CRPPA: variants seen among roughly 807,000 people sequenced by gnomAD.
The protein encoded by CRPPA is D-ribitol-5-phosphate cytidylyltransferase.
CRPPA carries 43 observed loss-of-function variants against 52.0 expected under a neutral mutation model. The observed-to-expected ratio is 0.83, with a 90% confidence interval of 0.65 to 1.07. The LOEUF is 1.07. Ranked by LOEUF, CRPPA falls within the 50% of genes least tolerant of loss-of-function variation. CRPPA has a pLI of 0.00. For synonymous variants in CRPPA, 250 were observed against 203.5 expected (o/e 1.23, Z -1.94); for missense variants, 629 against 551.7 (o/e 1.14, Z -1.40).
In CRPPA at chr7:16,223,034, G is replaced by A. The variant is rs562995450; in HGVS notation, c.1120-6837C>T. 2.0e-5 allele frequency among the ~76,000 whole-genome samples: 3 copies of A among 152,194 alleles called. No homozygotes were observed. In the East Asian group the frequency reaches 5.8e-4, roughly 29 times the overall value. ...TGGCCAGGCATGGTGGCTCATTCCT[G>A]TAATCCCAGCAGTTTGAGAGGCTGA... is the stretch of plus-strand genomic sequence containing the variant. On this transcript the variant is annotated intron_variant, in intron 8 of 9. Transcript: ENST00000407010.
At chr7:16,217,213 G>T (rs1327976825) in intron 8 of CRPPA, among the ~76,000 whole-genome samples, 2 of 143,744 alleles carry the variant, frequency 1.4e-5, no homozygotes, top group East Asian at 4.1e-4. Context: ...TATTCCAACA[G>T]ACCTGCAGCT....
At chr7:16,385,894 C>A (rs751906079) in intron 2 of CRPPA, among the ~76,000 whole-genome samples, 2 of 152,134 alleles carry the variant, frequency 1.3e-5, no homozygotes, top group Non-Finnish European at 2.9e-5. Context: ...CCAGAGCGAG[C>A]GCTTTTGGGC....
chr7:16,124,079 T>A (rs2128370665), intron 9 of CRPPA, among the ~76,000 whole-genome samples: 1 of 151,664 alleles, frequency 6.6e-6, no homozygotes, highest in Non-Finnish European at 1.5e-5. Flanking sequence ...GTAGTTGGAT[T>A]GCTGGATCAT....
chr7:16,096,853 G>C (rs558500593), intron 9 of CRPPA, among the ~76,000 whole-genome samples: 1 of 152,236 alleles, frequency 6.6e-6, no homozygotes, highest in South Asian at 2.1e-4. Flanking sequence ...CATACTGGGC[G>C]GGAAAATATA....
At chr7:16,412,671 C>G (rs1434509672) in intron 1 of CRPPA, among the ~76,000 whole-genome samples, 2 of 152,108 alleles carry the variant, frequency 1.3e-5, no homozygotes, top group East Asian at 3.9e-4. Context: ...CCTTAAGTAC[C>G]TCACACAGTG....
chr7:16,119,847 GGTATCAA>G (rs1183272136), intron 9 of CRPPA, among the ~76,000 whole-genome samples: 5 of 152,152 alleles, frequency 3.3e-5, no homozygotes, highest in Non-Finnish European at 4.4e-5. Context: ...ACTAAGAGAA[GGTATCAA>G]GTAGACAGCT....
At chr7:16,268,549 C>T (rs1215585455) in intron 6 of CRPPA, among the ~76,000 whole-genome samples, 1 of 152,004 alleles carries the variant, frequency 6.6e-6, no homozygotes, top group East Asian at 1.9e-4. Flanking sequence ...TATGAGGAGC[C>T]TGTTGAATAT....
chr7:16,255,528 C>G (rs1383527949), intron 8 of CRPPA, among the ~76,000 whole-genome samples: 1 of 152,152 alleles, frequency 6.6e-6, no homozygotes, highest in Non-Finnish European at 1.5e-5. Context: ...ATCACGCTAC[C>G]TGACTTCAAA....
chr7:16,237,268 G>A (rs531510184), intron 8 of CRPPA: 18 of 151,856 alleles, frequency 1.2e-4, no homozygotes, highest in African/African-American at 4.1e-4. Flanking sequence ...ACATACCATC[G>A]ACCAGATGGC....
chr7:16,345,573 A>G (rs549787678), intron 3 of CRPPA, among the ~76,000 whole-genome samples: 96 of 152,336 alleles, frequency 6.3e-4, no homozygotes, highest in Non-Finnish European at 1.2e-3. Context: ...AATATATGTG[A>G]CAACACAGCA....
At chr7:16,405,982 A>G (rs2128318404) in intron 2 of CRPPA, 79 bp downstream of exon 2, 1 of 1,295,678 alleles carries the variant, frequency 7.7e-7, no homozygotes, top group East Asian at 2.4e-5. Flanking sequence ...ACATTTAAAC[A>G]GAATTGAATC....
chr7:16,227,118 C>T (rs1173442872), intron 8 of CRPPA, among the ~76,000 whole-genome samples: 1 of 151,882 alleles, frequency 6.6e-6, no homozygotes, highest in African/African-American at 2.4e-5. Context: ...GTTTGTATCA[C>T]ATTTTCTTTA....
intron 6 of CRPPA, among the ~76,000 whole-genome samples, chr7:16,260,577 T>C (rs1287348937): frequency 2.6e-5 from 4 of 152,086 alleles, no homozygotes; most frequent in East Asian, 1.9e-4. Flanking sequence ...CCAATATCTA[T>C]GATACTGTGT....
chr7:16,138,085 C>A (rs779058809), intron 9 of CRPPA, among the ~76,000 whole-genome samples: 1 of 151,990 alleles, frequency 6.6e-6, no homozygotes, highest in Non-Finnish European at 1.5e-5. Flanking sequence ...TGAAAGTCAG[C>A]GAAGTTAAAA....
chr7:16,170,796 G>A (rs1027123094), intron 9 of CRPPA, among the ~76,000 whole-genome samples: 1 of 152,188 alleles, frequency 6.6e-6, no homozygotes, highest in African/African-American at 2.4e-5. Flanking sequence ...GGGGGACCTG[G>A]TGCACCCTAT....
At chr7:16,348,609 G>C (rs1315919494) in intron 3 of CRPPA, among the ~76,000 whole-genome samples, 2 of 152,196 alleles carry the variant, frequency 1.3e-5, no homozygotes, top group Non-Finnish European at 2.9e-5. Flanking sequence ...TACGCCCTTT[G>C]GGAACAGTGC....
chr7:16,365,884 C>T (rs1001886587), intron 3 of CRPPA, among the ~76,000 whole-genome samples: 2 of 152,032 alleles, frequency 1.3e-5, no homozygotes, highest in Non-Finnish European at 2.9e-5. Context: ...CAAAACCCTA[C>T]CACATCAACA....
chr7:16,125,028 G>A (rs1270311697), intron 9 of CRPPA, among the ~76,000 whole-genome samples: 1 of 151,930 alleles, frequency 6.6e-6, no homozygotes, highest in African/African-American at 2.4e-5. Flanking sequence ...GGGAGGCAGA[G>A]GTGGGCAGAT....
At chr7:16,249,734 A>T (rs1233834410) in intron 8 of CRPPA, among the ~76,000 whole-genome samples, 2 of 152,242 alleles carry the variant, frequency 1.3e-5, no homozygotes. Context: ...GGTCACCAAC[A>T]TCAAAGACCA....
Sources: allele counts gnomAD v4.1 joint callset (sites outside exome capture counted in the v4.1 genomes callset), GRCh38; gene constraint gnomAD v4.1.1; transcripts MANE v1.5; gene names NCBI Gene and HGNC (gene_info 2026-07-23, HGNC 2026-07-21).